Variants in PHF24 observed in about 807,000 individuals in gnomAD.
PHF24 encodes the protein PHD finger protein 24, also known as Galpha inhibitory interacting protein.
Under a neutral mutation model 42.6 loss-of-function variants are expected in PHF24, and 25 were observed. The ratio of observed to expected loss-of-function variants is 0.59; its 90% CI spans 0.43 to 0.82. PHF24 has a LOEUF of 0.82. Ranked by LOEUF, PHF24 falls within the 40% of genes least tolerant of loss-of-function variation. The pLI, the probability that PHF24 is intolerant of heterozygous loss-of-function variation, is 0.00. For missense variants in PHF24, 470 were observed against 538.1 expected, an observed-to-expected ratio of 0.87 and a Z score of 1.25; for synonymous variants, 185 against 204.8, an observed-to-expected ratio of 0.90 and a Z score of 0.83.
At chr9:34,936,160 A>T in the PHF24 span, among the ~76,000 whole-genome samples, 1 of 151,000 alleles carries the variant, frequency 6.6e-6, no homozygotes, top group Admixed American at 6.6e-5. Flanking sequence ...GCTCACTGCA[A>T]CCTCCCTGCC....
At chr9:34,709,730 T>C in the PHF24 span, 1 of 1,613,410 alleles carries the variant, frequency 6.2e-7, no homozygotes, top group South Asian at 1.1e-5. Flanking sequence ...CACCATGCCC[T>C]CCCCACCCCG....
the PHF24 span, among the ~76,000 whole-genome samples, chr9:34,715,838 G>C: frequency 6.6e-6 from 1 of 152,212 alleles, no homozygotes; most frequent in Non-Finnish European, 1.5e-5. Context: ...TCCTAGGTGT[G>C]GGTGTTGCAA....
chr9:34,758,304 C>T, the PHF24 span, among the ~76,000 whole-genome samples: 1 of 152,102 alleles, frequency 6.6e-6, no homozygotes, highest in Non-Finnish European at 1.5e-5. The surrounding 1 kb of genome is among the most constrained non-coding windows in gnomAD (Gnocchi z 4.4). Context: ...GTAGCTACTC[C>T]ACCAGCCTGT....
chr9:34,747,261 A>G, the PHF24 span, among the ~76,000 whole-genome samples: 1 of 152,170 alleles, frequency 6.6e-6, no homozygotes. Flanking sequence ...CAAAAAAATT[A>G]AAAAGTTAGC....
At chr9:34,705,958 TTTC>T in the PHF24 span, among the ~76,000 whole-genome samples, 64 of 152,300 alleles carry the variant, frequency 4.2e-4, no homozygotes, top group East Asian at 0.012. Flanking sequence ...TCACCTATAT[TTTC>T]TTCTACGTAT....
At chr9:34,834,835 TG>T in the PHF24 span, 5 of 1,533,412 alleles carry the variant, frequency 3.3e-6, no homozygotes, top group Non-Finnish European at 4.4e-6. Context: ...GGGAAGAGGG[TG>T]GGGCTGACTG....
At chr9:34,679,181 C>T in the PHF24 span, among the ~76,000 whole-genome samples, 1 of 152,200 alleles carries the variant, frequency 6.6e-6, no homozygotes, top group Non-Finnish European at 1.5e-5. Context: ...GTGGCAGTGC[C>T]ATTGTCTCTC....
chr9:34,948,973 A>G, the PHF24 span, among the ~76,000 whole-genome samples: 1 of 152,234 alleles, frequency 6.6e-6, no homozygotes, highest in Non-Finnish European at 1.5e-5. Flanking sequence ...AAGCGGGTTG[A>G]TTCCCAAAGG....
the PHF24 span, among the ~76,000 whole-genome samples, chr9:34,811,549 C>A: frequency 1.3e-5 from 2 of 152,222 alleles, no homozygotes; most frequent in South Asian, 4.1e-4. Flanking sequence ...AGTGGACCCT[C>A]AATCTTGGGC....
chr9:34,684,309 C>T, the PHF24 span, among the ~76,000 whole-genome samples: 1 of 152,164 alleles, frequency 6.6e-6, no homozygotes, highest in African/African-American at 2.4e-5. Context: ...GGGGTTTTCC[C>T]AGGGCTGGAA....
the PHF24 span, among the ~76,000 whole-genome samples, chr9:34,748,277 G>A: frequency 1.3e-5 from 2 of 152,142 alleles, no homozygotes; most frequent in African/African-American, 2.4e-5. Context: ...ACTTGGATAT[G>A]GTTTGGATCT....
the PHF24 span, among the ~76,000 whole-genome samples, chr9:34,851,598 G>T: frequency 6.6e-6 from 1 of 152,122 alleles, no homozygotes; most frequent in African/African-American, 2.4e-5. Context: ...CACACAGTGC[G>T]CTGCACCCAC....
the PHF24 span, among the ~76,000 whole-genome samples, chr9:34,855,714 T>A: frequency 1.3e-5 from 2 of 152,210 alleles, no homozygotes; most frequent in African/African-American, 4.8e-5. Context: ...GCATTTTTTC[T>A]TTCATTTAAA....
chr9:34,906,335 T>C, the PHF24 span, among the ~76,000 whole-genome samples: 4 of 152,066 alleles, frequency 2.6e-5, no homozygotes, highest in Non-Finnish European at 5.9e-5. Flanking sequence ...GGGTATACAT[T>C]GGTTCAGCCC....
At chr9:34,703,324 A>T in the PHF24 span, among the ~76,000 whole-genome samples, 1 of 152,026 alleles carries the variant, frequency 6.6e-6, no homozygotes, top group Non-Finnish European at 1.5e-5. Context: ...ACCCACCACC[A>T]TGCCTGGCTA....
the PHF24 span, chr9:34,832,975 A>G: frequency 6.4e-7 from 1 of 1,551,612 alleles, no homozygotes; most frequent in Admixed American, 2.0e-5. Flanking sequence ...GGCTGTGTTG[A>G]CAGGGATCAG....
chr9:34,735,150 T>G, the PHF24 span, among the ~76,000 whole-genome samples: 1 of 149,328 alleles, frequency 6.7e-6, no homozygotes, highest in African/African-American at 2.5e-5. Context: ...TTTTTTTTTT[T>G]TTTGAGACGG....
chr9:34,731,827 G>A, the PHF24 span, among the ~76,000 whole-genome samples: 17 of 152,042 alleles, frequency 1.1e-4, no homozygotes, highest in African/African-American at 4.1e-4. Flanking sequence ...GGTATTGCTG[G>A]ATCATATAGT....
intron 1 of PHF24, among the ~76,000 whole-genome samples, chr9:34,967,924 C>G (rs1023313351): frequency 2.0e-5 from 3 of 152,098 alleles, no homozygotes; most frequent in African/African-American, 7.3e-5. Context: ...AGAACTAAAG[C>G]CCAAAGCAAC....
Sources: allele counts gnomAD v4.1 joint callset (sites outside exome capture counted in the v4.1 genomes callset), GRCh38; gene constraint gnomAD v4.1.1; non-coding constraint Gnocchi (gnomAD v3.1); transcripts MANE v1.5; gene names NCBI Gene and HGNC (gene_info 2026-07-23, HGNC 2026-07-21).